EGLN1: variants seen among roughly 807,000 people sequenced by gnomAD.
EGLN1 encodes egl nine homolog 1.
EGLN1 carries 17 observed loss-of-function variants against 38.3 expected under a neutral mutation model. The observed-to-expected ratio is 0.44, with a 90% CI of 0.30 to 0.67. The LOEUF (loss-of-function observed/expected upper bound fraction) is 0.67. EGLN1 is among the 30% of genes least tolerant of loss of function. The pLI, the probability that EGLN1 is intolerant of heterozygous loss-of-function variation, is 0.08. For missense variants in EGLN1, 477 were observed against 603.3 expected, an observed-to-expected ratio of 0.79 and a Z score of 2.19; for synonymous variants, 283 against 257.5, an observed-to-expected ratio of 1.10 and a Z score of -0.95.
chr1:231,421,784 G>C lies in EGLN1; in HGVS notation c.105C>G (p.Arg35=). The part of the protein sequence containing the change: ...GKMENLLRCS[R]CRSSFYCCKE... ...TGCAGCAGTAGAAGGAGCTGCGGCA[G>C]CGGCTGCAGCGCAGCAGGTTCTCCA... The change falls in exon 1 of 5, where the codon CGC becomes CGG. Residue 35 remains arginine, a synonymous_variant. Transcript: ENST00000366641. This position sits in a 1 kb window ranked among gnomAD's most constrained non-coding sequence, Gnocchi z 5.5. The C allele has an allele frequency of 6.4e-7, 1 of 1,557,984 alleles. No individual in the cohort carries two copies.
At position 231,373,680 on chromosome 1, in the gene EGLN1, G is replaced by C. The variant is rs1478590454; in HGVS notation, c.1011+300C>G. Among the ~76,000 whole-genome samples the C allele has an allele frequency of 1.5e-3, 2 of 1,334 alleles. 1 individual carries two copies. Among genetic ancestry groups the C allele is most frequent in the African/African-American group, 1.8e-3 (2 of 1,122 alleles). 0.9% of individuals were successfully genotyped at this position (1,334 alleles called of 152,430 possible). A position where few individuals can be genotyped will look rare whatever the true frequency, so the allele number is the denominator to read the frequency against. Reference sequence around the variant, plus strand: ...CCTTCCCCTAACCTCGTGTGTGCGTGTGTGTGTGTGTGTGTGTGTGTGTAT... The same window carrying C: ...CCTTCCCCTAACCTCGTGTGTGCGTCTGTGTGTGTGTGTGTGTGTGTGTAT... On this transcript the variant is annotated intron_variant, in intron 2 of 4. Coordinates refer to ENST00000366641, the MANE Select transcript of EGLN1 (RefSeq NM_022051.3).
At chr1:231,383,742 C>G (rs1312198089) in intron 1 of EGLN1, among the ~76,000 whole-genome samples, 1 of 152,008 alleles carries the variant, frequency 6.6e-6, no homozygotes, top group Non-Finnish European at 1.5e-5. Context: ...ACCTTACAGG[C>G]CAGTGTTGGC....
chr1:231,417,303 T>C (rs1365461147), intron 1 of EGLN1, among the ~76,000 whole-genome samples: 2 of 152,222 alleles, frequency 1.3e-5, no homozygotes, highest in Non-Finnish European at 2.9e-5. Flanking sequence ...TTACTCCTTT[T>C]CTTTATGTAT....
At chr1:231,385,672 A>G (rs1271643322) in intron 1 of EGLN1, among the ~76,000 whole-genome samples, 5 of 152,136 alleles carry the variant, frequency 3.3e-5, no homozygotes, top group African/African-American at 1.2e-4. Flanking sequence ...GCCACTGAAG[A>G]GGTTTAAACA....
At chr1:231,418,703 T>A (rs545222109) in intron 1 of EGLN1, among the ~76,000 whole-genome samples, 47 of 151,854 alleles carry the variant, frequency 3.1e-4, no homozygotes, top group Admixed American at 2.0e-3. Context: ...ACAAAAAAAA[T>A]TTTTTTTCAT....
chr1:231,385,808 C>A (rs966698031), intron 1 of EGLN1, among the ~76,000 whole-genome samples: 1 of 152,164 alleles, frequency 6.6e-6, no homozygotes, highest in Non-Finnish European at 1.5e-5. Flanking sequence ...GTAAATCAGG[C>A]TCTTAAGAAT....
At chr1:231,375,190 G>A (rs1215876049) in intron 1 of EGLN1, among the ~76,000 whole-genome samples, 3 of 152,096 alleles carry the variant, frequency 2.0e-5, no homozygotes, top group Non-Finnish European at 4.4e-5. Flanking sequence ...CGAGTAGCTG[G>A]GATTACAGGT....
In EGLN1 at chr1:231,382,980, C is replaced by T. The variant is rs191534467; in HGVS notation, c.892-8881G>A. Among the ~76,000 whole-genome samples, 140 of 148,552 alleles carry T rather than the reference C, an allele frequency of 9.4e-4. 2 individuals carry two copies. In the East Asian group the frequency reaches 0.024, roughly 26 times the overall value. The stretch of plus-strand genomic sequence containing the variant: ...GGCTGAGGCAGGAGAATCGCTTGAA[C>T]CTGGGAGGTGGAGGGTGCAGTGAGC... On this transcript the variant is annotated intron_variant, in intron 1 of 4. Coordinates refer to ENST00000366641, the MANE Select transcript of EGLN1 (RefSeq NM_022051.3).
chr1:231,384,975 A>T (rs1688163700), intron 1 of EGLN1, among the ~76,000 whole-genome samples: 1 of 152,168 alleles, frequency 6.6e-6, no homozygotes, highest in Non-Finnish European at 1.5e-5. Flanking sequence ...GGCTGGCAAG[A>T]GTGGAAGGCA....
At chr1:231,396,190 A>C (rs1293662259) in intron 1 of EGLN1, among the ~76,000 whole-genome samples, 1 of 150,190 alleles carries the variant, frequency 6.7e-6, no homozygotes. Context: ...CTTTCAATAC[A>C]CATCCCCACC....
chr1:231,398,375 G>C (rs1282220681), intron 1 of EGLN1, among the ~76,000 whole-genome samples: 1 of 152,056 alleles, frequency 6.6e-6, no homozygotes, highest in Non-Finnish European at 1.5e-5. Flanking sequence ...TGTTGTCCAG[G>C]CTGGCTTTGA....
chr1:231,399,241 T>A (rs2486730), intron 1 of EGLN1, among the ~76,000 whole-genome samples: 1 of 151,948 alleles, frequency 6.6e-6, no homozygotes, highest in South Asian at 2.1e-4. Context: ...TACTGGGCAC[T>A]TTATATTATC....
intron 1 of EGLN1, among the ~76,000 whole-genome samples, chr1:231,386,746 AT>A (rs1688219224): frequency 1.3e-5 from 2 of 152,350 alleles, no homozygotes; most frequent in South Asian, 4.1e-4. Context: ...GAGATGATAG[AT>A]TAGACAGATA....
At chr1:231,376,447 C>T (rs919537632) in intron 1 of EGLN1, among the ~76,000 whole-genome samples, 6 of 152,094 alleles carry the variant, frequency 3.9e-5, no homozygotes, top group South Asian at 2.1e-4. Flanking sequence ...GCAAGAGTAG[C>T]GATGCTGGCA....
rs988031950 is a variant in EGLN1 at position 231,392,459 on chromosome 1, C to T, written c.892-18360G>A. Among the ~76,000 whole-genome samples, 3 of 152,124 alleles carry T rather than the reference C, an allele frequency of 2.0e-5. 1 individual carries two copies. The highest frequency in any genetic ancestry group is 2.0e-4 in the Admixed American group (3 of 15,286). On this transcript the variant is annotated intron_variant, in intron 1 of 4. Transcript: ENST00000366641. ...ATGTAGAAAAATTGGTGGCCCAGGT[C>T]TGTCTGATTCACTATATGCTGTCAA...
In EGLN1 at chr1:231,363,973, G is replaced by T. The variant is rs1687568320; in HGVS notation, c.*2438C>A. 2 of 152,112 alleles carry T rather than the reference G, an allele frequency of 1.3e-5. No homozygotes were observed. The highest frequency in any genetic ancestry group is 1.3e-4 in the Admixed American group (2 of 15,280). The allele number at this position is 152,112 out of a possible 1,614,324, so 9.4% of individuals were successfully genotyped here. On this transcript the variant is annotated 3_prime_UTR_variant, in exon 5 of 5. Coordinates refer to ENST00000366641, the MANE Select transcript of EGLN1 (RefSeq NM_022051.3). ...ATTATGAAGCTTTATCTTTAACCAG[G>T]ATTAAACACATATAGGCCACAAACA...
At chr1:231,411,353 C>G (rs757876097) in intron 1 of EGLN1, among the ~76,000 whole-genome samples, 1 of 152,210 alleles carries the variant, frequency 6.6e-6, no homozygotes, top group Non-Finnish European at 1.5e-5. Flanking sequence ...CCATGTGGAA[C>G]TGTGAGTCAA....
In EGLN1 at chr1:231,403,294, T is replaced by C. The variant is rs1275424267; in HGVS notation, c.891+17704A>G. 2.6e-5 allele frequency among the ~76,000 whole-genome samples: 4 copies of C among 152,326 alleles called. No individual in the cohort carries two copies. In the East Asian group the frequency reaches 7.8e-4, roughly 30 times the overall value. On this transcript the variant is annotated intron_variant, in intron 1 of 4. Transcript: ENST00000366641. ...TTAGAATCTTTTATATCCTTGTTGATTTCCTATTTAAGAATTACTGAGAAA... is the reference window on the plus strand; with the variant it reads ...TTAGAATCTTTTATATCCTTGTTGACTTCCTATTTAAGAATTACTGAGAAA...
At chr1:231,378,424 T>C (rs1055365309) in intron 1 of EGLN1, among the ~76,000 whole-genome samples, 4 of 152,210 alleles carry the variant, frequency 2.6e-5, no homozygotes, top group Non-Finnish European at 4.4e-5. Context: ...ATACTATTTT[T>C]TTCTTTTCTG....
Sources: allele counts gnomAD v4.1 joint callset (sites outside exome capture counted in the v4.1 genomes callset), GRCh38; gene constraint gnomAD v4.1.1; non-coding constraint Gnocchi (gnomAD v3.1); transcripts MANE v1.5; gene names NCBI Gene and HGNC (gene_info 2026-07-23, HGNC 2026-07-21).